The following DPY19L2 variants were observed in gnomAD, a reference collection of about 807,000 sequenced individuals.
DPY19L2 encodes probable C-mannosyltransferase DPY19L2.
DPY19L2 carries 34 observed loss-of-function variants against 97.9 expected under a neutral mutation model. That is an observed-to-expected ratio of 0.35 (90% CI 0.26 to 0.46). The LOEUF (loss-of-function observed/expected upper bound fraction) is 0.46. Among genes scored for constraint, DPY19L2 ranks in the 20% least tolerant of loss-of-function variants. The probability of loss-of-function intolerance (pLI) is 1.00; values close to 1 mark genes in which losing one functional copy is unlikely to be tolerated. For synonymous variants in DPY19L2, 230 were observed against 307.9 expected (o/e 0.75, Z 2.65); for missense variants, 623 against 911.4 (o/e 0.68, Z 4.07).
chr12:63,625,885 G>A (rs1889448081), intron 7 of DPY19L2, among the ~76,000 whole-genome samples: 2 of 150,396 alleles, frequency 1.3e-5, no homozygotes, highest in Admixed American at 1.3e-4. Context: ...TGTTAAGAGG[G>A]CAGATCATAT....
chr12:63,592,792 A>T (rs1347843902), intron 16 of DPY19L2, among the ~76,000 whole-genome samples: 1 of 152,112 alleles, frequency 6.6e-6, no homozygotes, highest in Non-Finnish European at 1.5e-5. Flanking sequence ...GACAAATGGG[A>T]TCTAATTAAA....
chr12:63,567,305 A>G (rs1231713604), intron 21 of DPY19L2, among the ~76,000 whole-genome samples: 1 of 152,008 alleles, frequency 6.6e-6, no homozygotes, highest in Non-Finnish European at 1.5e-5. Context: ...AGGCTTATCC[A>G]TATCTAGGCT....
At chr12:63,579,385 C>T (rs1880466322) in intron 19 of DPY19L2, among the ~76,000 whole-genome samples, 1 of 152,112 alleles carries the variant, frequency 6.6e-6, no homozygotes, top group Non-Finnish European at 1.5e-5. Flanking sequence ...TACAAAACTT[C>T]ATACAGCTTT....
chr12:63,582,493 A>G lies in DPY19L2; in HGVS notation c.1638T>C (p.Phe546=), dbSNP rs1435465617. The G allele has an allele frequency of 6.2e-7, 1 of 1,613,326 alleles. No homozygotes were observed. Among genetic ancestry groups the G allele is most frequent in the African/African-American group, 1.3e-5 (1 of 74,920 alleles). Residue 546 remains phenylalanine, a synonymous_variant, in exon 18 of 22, where the codon TTT becomes TTC. Transcript: ENST00000324472. ...TCATAATTAAAATGGCAAGGGCAGT[A>G]AACACTAACAACTGCAATGTGTGAA... ...LAFHTLQLLV[F]TALAILIMRL...
At chr12:63,667,749 C>T (rs1392156782) in intron 1 of DPY19L2, among the ~76,000 whole-genome samples, 1 of 152,102 alleles carries the variant, frequency 6.6e-6, no homozygotes, top group Non-Finnish European at 1.5e-5. Flanking sequence ...AAGACTTGCT[C>T]CACTAATTAT....
intron 21 of DPY19L2, among the ~76,000 whole-genome samples, chr12:63,562,482 G>A (rs1876761091): frequency 6.8e-6 from 1 of 146,846 alleles, no homozygotes; most frequent in African/African-American, 2.7e-5. Flanking sequence ...AAAGTGCTAT[G>A]AACATTTGTG....
chr12:63,578,901 G>A (rs1880372326), intron 19 of DPY19L2, among the ~76,000 whole-genome samples: 2 of 152,012 alleles, frequency 1.3e-5, no homozygotes, highest in African/African-American at 2.4e-5. Flanking sequence ...CTTGTAGATA[G>A]AGGCCAAGGA....
At chr12:63,585,104 G>A (rs568473931) in intron 16 of DPY19L2, among the ~76,000 whole-genome samples, 1 of 152,170 alleles carries the variant, frequency 6.6e-6, no homozygotes, top group African/African-American at 2.4e-5. Flanking sequence ...TCGCCCTGCA[G>A]ATAAGGGCAA....
At chr12:63,630,268 T>G (rs1890358241) in intron 6 of DPY19L2, among the ~76,000 whole-genome samples, 1 of 152,108 alleles carries the variant, frequency 6.6e-6, no homozygotes, top group South Asian at 2.1e-4. Context: ...AGACACAGAC[T>G]GGCAAATTGG....
In DPY19L2 at chr12:63,659,746, T is replaced by C. The variant is rs534646576; in HGVS notation, c.588+1598A>G. ...GACAGTTACCACAATGGAGCATTTT[T>C]TGGCATTCCAAAAATGTTTTGTAAC... On this transcript the variant is annotated intron_variant, in intron 4 of 21. Transcript: ENST00000324472. 2.6e-5 allele frequency among the ~76,000 whole-genome samples: 4 copies of C among 152,254 alleles called. No homozygotes were observed. In the South Asian group the frequency reaches 8.3e-4, roughly 32 times the overall value.
intron 19 of DPY19L2, among the ~76,000 whole-genome samples, chr12:63,572,975 G>A (rs937413742): frequency 2.6e-5 from 4 of 152,022 alleles, no homozygotes; most frequent in African/African-American, 9.7e-5. Flanking sequence ...TTCCAACAAG[G>A]ATGGGTACAA....
At position 63,667,360 on chromosome 12, in the gene DPY19L2, A is replaced by G. The variant is rs552934330; in HGVS notation, c.337+697T>C. Reference sequence around the variant, plus strand: ...ATCCAGCTTTCCAAAGATGCTCAAAATCTTTCTGTGTCTCTCACTCCCTCC... The same window carrying G: ...ATCCAGCTTTCCAAAGATGCTCAAAGTCTTTCTGTGTCTCTCACTCCCTCC... On this transcript the variant is annotated intron_variant, in intron 1 of 21. Transcript: ENST00000324472. Among the ~76,000 whole-genome samples, 4 of 152,230 alleles carry G rather than the reference A, an allele frequency of 2.6e-5. No homozygotes were observed. The South Asian group carries it at 6.2e-4, about 24-fold the overall frequency.
chr12:63,599,595 A>C (rs1463434130), intron 13 of DPY19L2, among the ~76,000 whole-genome samples: 1 of 152,190 alleles, frequency 6.6e-6, no homozygotes, highest in Non-Finnish European at 1.5e-5. Flanking sequence ...GCATTAAATG[A>C]GGTAAATTTC....
At chr12:63,665,977 C>G (rs550232921) in intron 1 of DPY19L2, 118 bp from the exon 2 acceptor site, 1 of 988,498 alleles carries the variant, frequency 1.0e-6, no homozygotes, top group African/African-American at 1.7e-5. Flanking sequence ...CAAAGCAAGA[C>G]GGCCAGCTAA....
chr12:63,663,358 A>AT (rs1325185558), intron 3 of DPY19L2, among the ~76,000 whole-genome samples: 25 of 152,152 alleles, frequency 1.6e-4, no homozygotes, highest in African/African-American at 5.8e-4. Context: ...CTTAAAAGAG[A>AT]TTATCTTGAA....
At chr12:63,629,229 G>C (rs1427710106) in intron 6 of DPY19L2, among the ~76,000 whole-genome samples, 2 of 152,154 alleles carry the variant, frequency 1.3e-5, no homozygotes, top group Non-Finnish European at 2.9e-5. Context: ...TGACTTTGAC[G>C]AGTTGACAGA....
At chr12:63,663,186 G>A (rs541064868) in intron 3 of DPY19L2, among the ~76,000 whole-genome samples, 3 of 152,092 alleles carry the variant, frequency 2.0e-5, no homozygotes, top group Admixed American at 6.5e-5. Context: ...GAAGATGGAC[G>A]GTTGTGGTGT....
chr12:63,640,127 C>A (rs1383708145), intron 6 of DPY19L2, among the ~76,000 whole-genome samples: 1 of 152,140 alleles, frequency 6.6e-6, no homozygotes, highest in African/African-American at 2.4e-5. Context: ...CACATGTTCT[C>A]ACTCATAGGT....
At chr12:63,595,647 C>T (rs1239345855) in intron 15 of DPY19L2, among the ~76,000 whole-genome samples, 1 of 152,046 alleles carries the variant, frequency 6.6e-6, no homozygotes, top group Admixed American at 6.5e-5. Flanking sequence ...TTCATGTTTG[C>T]ACCCCCACCC....
Sources: gnomAD v4.1 joint callset for allele counts (sites outside exome capture counted in the v4.1 genomes callset) on GRCh38, gnomAD v4.1.1 for gene constraint, MANE v1.5 for transcripts, NCBI Gene and HGNC (gene_info 2026-07-23, HGNC 2026-07-21) for gene names.